Variants in BMPER observed in about 807,000 individuals in gnomAD.
The protein encoded by BMPER is BMP-binding endothelial regulator protein.
BMPER carries 45 observed loss-of-function variants against 87.3 expected under a neutral mutation model. The ratio of observed to expected loss-of-function variants is 0.52; its 90% CI spans 0.41 to 0.66. BMPER has a LOEUF of 0.66. Ranked by LOEUF, BMPER falls within the 30% of genes least tolerant of loss-of-function variation. The pLI, the probability that BMPER is intolerant of heterozygous loss-of-function variation, is 0.00. For missense variants in BMPER, 784 were observed against 867.5 expected, an observed-to-expected ratio of 0.90 and a Z score of 1.21; for synonymous variants, 326 against 316.2, an observed-to-expected ratio of 1.03 and a Z score of -0.33.
intron 6 of BMPER, among the ~76,000 whole-genome samples, chr7:34,003,428 A>C (rs1786640837): frequency 6.6e-6 from 1 of 151,918 alleles, no homozygotes; most frequent in Non-Finnish European, 1.5e-5. Flanking sequence ...ATGTATTATA[A>C]ACCCATCAGC....
chr7:33,922,295 G>T (rs1784251989), intron 2 of BMPER, among the ~76,000 whole-genome samples: 1 of 152,036 alleles, frequency 6.6e-6, no homozygotes, highest in Admixed American at 6.6e-5. Flanking sequence ...TTTGTCATTA[G>T]TGCAGAAATT....
chr7:34,003,411 G>A (rs535151180), intron 6 of BMPER, among the ~76,000 whole-genome samples: 64 of 151,424 alleles, frequency 4.2e-4, no homozygotes, highest in African/African-American at 1.4e-3. Flanking sequence ...CATACAAATC[G>A]CACTCTATGT....
At chr7:33,950,212 C>G (rs1174600153) in intron 3 of BMPER, among the ~76,000 whole-genome samples, 1 of 152,016 alleles carries the variant, frequency 6.6e-6, no homozygotes, top group East Asian at 1.9e-4. Context: ...TGCGAATGTT[C>G]CTGGCCATGG....
chr7:34,148,564 A>G (rs944196703), intron 14 of BMPER, among the ~76,000 whole-genome samples: 1 of 152,152 alleles, frequency 6.6e-6, no homozygotes, highest in Non-Finnish European at 1.5e-5. Flanking sequence ...ATTGAATTGG[A>G]GATGGTATTT....
At chr7:33,959,756 A>G (rs966204285) in intron 3 of BMPER, among the ~76,000 whole-genome samples, 1 of 152,346 alleles carries the variant, frequency 6.6e-6, no homozygotes, top group Middle Eastern at 3.4e-3. Flanking sequence ...GGTTCATAGA[A>G]TGTATTGTAT....
At chr7:34,083,523 T>A (rs1322359123) in intron 12 of BMPER, among the ~76,000 whole-genome samples, 1 of 152,264 alleles carries the variant, frequency 6.6e-6, no homozygotes, top group East Asian at 1.9e-4. Flanking sequence ...GATTTCCTTA[T>A]GGGTCTTTCC....
chr7:34,095,237 A>G (rs1319744424), intron 13 of BMPER, among the ~76,000 whole-genome samples: 1 of 152,208 alleles, frequency 6.6e-6, no homozygotes, highest in Non-Finnish European at 1.5e-5. Context: ...GAAGGAGCTC[A>G]GGTGTCTTGT....
rs548038324 is a variant in BMPER, at chr7:34,151,169, G to C, written c.1877-1923G>C. ...AGCAAGGGCACAGATCACACAACAG[G>C]GTAAAGAGGGGGTAGAGGACAGATC... On this transcript the variant is annotated intron_variant, in intron 14 of 14. Transcript: ENST00000649409. Among the ~76,000 whole-genome samples the C allele has an allele frequency of 1.4e-4, 21 of 152,248 alleles. No individual in the cohort carries two copies. The South Asian group carries it at 4.1e-3, about 30-fold the overall frequency.
At position 34,051,927 on chromosome 7, in the gene BMPER, G is replaced by T. The variant is rs1348046444; in HGVS notation, c.743G>T (p.Gly248Val). 1 of 1,614,012 alleles carries T rather than the reference G, an allele frequency of 6.2e-7. No homozygotes were observed. Among genetic ancestry groups the T allele is most frequent in the African/African-American group, 1.3e-5 (1 of 75,044 alleles). The change falls in exon 8 of 15, where the codon GGA (glycine) becomes GTA (valine). Residue 248 changes from glycine (G) to valine (V), a missense_variant. Coordinates refer to ENST00000649409, the MANE Select transcript of BMPER (RefSeq NM_001365308.1). ...TTTCGAAGTGATGTTTATGACAATG[G>T]ATCCTCATTTCTGTACGATAACTGC... ...CLFRSDVYDNGSSFLYDNCTA... is the reference protein window; with the variant it reads ...CLFRSDVYDNVSSFLYDNCTA...
At chr7:34,061,948 C>CTT (rs1202390621) in intron 10 of BMPER, 54 bp from the exon 11 acceptor site, 1 of 917,788 alleles carries the variant, frequency 1.1e-6, no homozygotes, top group Non-Finnish European at 1.7e-6. Context: ...TCAGGAGACC[C>CTT]TGTTTTTTTT....
chr7:34,121,570 T>C (rs756701359), intron 13 of BMPER, among the ~76,000 whole-genome samples: 3 of 152,200 alleles, frequency 2.0e-5, no homozygotes, highest in Non-Finnish European at 4.4e-5. Context: ...GTTTTGGTCA[T>C]GATTATTAAA....
chr7:34,029,262 A>G (rs1300309563), intron 6 of BMPER, among the ~76,000 whole-genome samples: 1 of 152,072 alleles, frequency 6.6e-6, no homozygotes, highest in Non-Finnish European at 1.5e-5. Context: ...ATGAAAATAG[A>G]TGATTGGGAA....
At position 33,964,387 on chromosome 7, in the gene BMPER, G is replaced by T. The variant is rs140986817; in HGVS notation, c.320-2092G>T. ...TCAGATTCATCCATCATTTGAGAAGGTTTGTTATATGGACTCAGATGTGAT... is the reference window on the plus strand; with the variant it reads ...TCAGATTCATCCATCATTTGAGAAGTTTTGTTATATGGACTCAGATGTGAT... On this transcript the variant is annotated intron_variant, in intron 3 of 14. Transcript: ENST00000649409. Among the ~76,000 whole-genome samples the T allele has an allele frequency of 1.1e-4, 16 of 152,300 alleles. No individual in the cohort carries two copies. In the East Asian group the frequency reaches 2.9e-3, roughly 28 times the overall value.
In BMPER at chr7:33,924,109, A is replaced by T. The variant is rs150544974; in HGVS notation, c.220-13180A>T. ...TCCTTTGTCACCACTCCTTAAACCT[A>T]GTTTGCTCCAGCCAGTGACATCAGC... On this transcript the variant is annotated intron_variant, in intron 2 of 14. Transcript: ENST00000649409. 3.3e-3 allele frequency among the ~76,000 whole-genome samples: 496 copies of T among 152,180 alleles called. 1 individual carries two copies. The highest frequency in any genetic ancestry group is 0.011 in the African/African-American group (459 of 41,504).
intron 3 of BMPER, among the ~76,000 whole-genome samples, chr7:33,955,817 G>A (rs1002865817): frequency 2.0e-5 from 3 of 152,286 alleles, no homozygotes; most frequent in East Asian, 1.9e-4. Flanking sequence ...ATTTCAAAGC[G>A]TGTAGTACAG....
At chr7:33,912,104 T>C (rs377034519) in intron 2 of BMPER, among the ~76,000 whole-genome samples, 1 of 152,120 alleles carries the variant, frequency 6.6e-6, no homozygotes, top group Non-Finnish European at 1.5e-5. Context: ...TTCCCCTCGC[T>C]TTCCATTAAA....
chr7:33,931,610 A>C (rs781610733), intron 2 of BMPER, among the ~76,000 whole-genome samples: 8 of 152,186 alleles, frequency 5.3e-5, no homozygotes, highest in African/African-American at 1.2e-4. Context: ...ATTGGGTTAC[A>C]ATGGGGATAC....
intron 3 of BMPER, among the ~76,000 whole-genome samples, chr7:33,955,881 C>T (rs767454482): frequency 1.3e-5 from 2 of 152,030 alleles, no homozygotes; most frequent in South Asian, 2.1e-4. Context: ...CACAGATCGG[C>T]GGAATAGAAT....
At chr7:34,063,607 C>T (rs1360722220) in intron 11 of BMPER, among the ~76,000 whole-genome samples, 1 of 152,100 alleles carries the variant, frequency 6.6e-6, no homozygotes. Flanking sequence ...TGAAGTACGA[C>T]TTAGTAGAGA....
Sources: allele counts gnomAD v4.1 joint callset (sites outside exome capture counted in the v4.1 genomes callset), GRCh38; gene constraint gnomAD v4.1.1; transcripts MANE v1.5; gene names NCBI Gene and HGNC (gene_info 2026-07-23, HGNC 2026-07-21).